Variants in DMD observed in about 807,000 individuals in gnomAD.
The protein encoded by DMD is dystrophin.
In DMD, 63 loss-of-function variants were observed where a neutral mutation model predicts 330.1. The ratio of observed to expected loss-of-function variants is 0.19; its 90% confidence interval spans 0.16 to 0.24. The LOEUF (loss-of-function observed/expected upper bound fraction) is 0.24. DMD is among the 10% of genes least tolerant of loss of function. The pLI is 1.00. For synonymous variants in DMD, 1,223 were observed against 959.8 expected (o/e 1.27, Z -5.07); for missense variants, 3,344 against 2,684.1 (o/e 1.25, Z -5.43).
chrX:32,859,553 A>G (rs7053545), intron 2 of DMD, among the ~76,000 whole-genome samples: 2,621 of 110,222 alleles, frequency 0.024, 75 homozygotes, highest in African/African-American at 0.082. Flanking sequence ...TATATTAGAA[A>G]GTGCAGAATA....
chrX:31,228,190 G>T (rs1339761051), intron 63 of DMD, among the ~76,000 whole-genome samples: 1 of 104,195 alleles, frequency 9.6e-6, no homozygotes, highest in African/African-American at 3.5e-5. Flanking sequence ...GCACCAGCAT[G>T]GCACATGTAT....
At chrX:33,106,126 T>C (rs749976199) in intron 1 of DMD, among the ~76,000 whole-genome samples, 1 of 110,175 alleles carries the variant, frequency 9.1e-6, no homozygotes, top group Admixed American at 9.8e-5. Flanking sequence ...AATAACGTCT[T>C]CTGCAGCAAC....
intron 44 of DMD, among the ~76,000 whole-genome samples, chrX:32,177,290 C>A (rs900311148): frequency 8.9e-6 from 1 of 112,075 alleles, no homozygotes; most frequent in Non-Finnish European, 1.9e-5. Flanking sequence ...TCTTTCCTGA[C>A]AACCACGTGA....
At chrX:32,037,494 T>C (rs2095958621) in intron 44 of DMD, among the ~76,000 whole-genome samples, 1 of 112,240 alleles carries the variant, frequency 8.9e-6, no homozygotes, top group African/African-American at 3.2e-5. Context: ...CTTAAAACTC[T>C]TATTATTAAA....
chrX:32,326,003 T>A (rs1471187339), intron 41 of DMD, among the ~76,000 whole-genome samples: 1 of 111,374 alleles, frequency 9.0e-6, no homozygotes, highest in African/African-American at 3.3e-5. Context: ...AAAATACAAC[T>A]TTTTGTTTGC....
rs555536458 is a variant in DMD, at chrX:32,893,329, C to T, written c.94-43509G>A. ...GTAACACAAAAGCCCGTATTTAGAGCCAGATTATACCAGTTTCCAGCTGTG... is the reference window on the plus strand; with the variant it reads ...GTAACACAAAAGCCCGTATTTAGAGTCAGATTATACCAGTTTCCAGCTGTG... On this transcript the variant is annotated intron_variant, in intron 2 of 78. Coordinates refer to ENST00000357033, the MANE Select transcript of DMD (RefSeq NM_004006.3). 1.3e-4 allele frequency among the ~76,000 whole-genome samples: 14 copies of T among 111,903 alleles called. No individual in the cohort carries two copies. In the South Asian group the frequency reaches 4.9e-3, roughly 39 times the overall value.
intron 9 of DMD, among the ~76,000 whole-genome samples, chrX:32,696,313 A>T (rs765469078): frequency 8.9e-6 from 1 of 112,117 alleles, no homozygotes; most frequent in Non-Finnish European, 1.9e-5. Context: ...ACCTAACTAC[A>T]TGTAACATCA....
intron 1 of DMD, chrX:33,041,356 C>A (rs538743564): frequency 2.6e-6 from 3 of 1,170,874 alleles, no homozygotes; most frequent in East Asian, 3.1e-5. Context: ...ACGGTTACCC[C>A]GGCTTTCCGC....
chrX:32,624,312 T>G (rs1294298255), intron 11 of DMD, among the ~76,000 whole-genome samples: 1 of 111,591 alleles, frequency 9.0e-6, no homozygotes, highest in African/African-American at 3.3e-5. Flanking sequence ...GAGTTGGTCC[T>G]GACAGTAGGT....
At chrX:32,609,163 T>C (rs2056966696) in intron 12 of DMD, among the ~76,000 whole-genome samples, 1 of 111,105 alleles carries the variant, frequency 9.0e-6, no homozygotes, top group African/African-American at 3.2e-5. Flanking sequence ...GAATGCTTTG[T>C]ACCTGTTTAC....
Position 32,685,094 on chromosome X carries a change from T to C in DMD, c.960+12776A>G, listed in dbSNP as rs139566952. Among the ~76,000 whole-genome samples, 558 of 111,652 alleles carry C rather than the reference T, an allele frequency of 5.0e-3. 3 individuals carry two copies. The highest frequency in any genetic ancestry group is 8.7e-3 in the Non-Finnish European group (463 of 53,040). ...TTATTTCACATTTATTCCTGGCTTC[T>C]AGGATCAAGTGGCCAATAAGCAATT... On this transcript the variant is annotated intron_variant, in intron 9 of 78. Coordinates refer to ENST00000357033, the MANE Select transcript of DMD (RefSeq NM_004006.3).
At chrX:32,878,950 T>C (rs1305521570) in intron 2 of DMD, among the ~76,000 whole-genome samples, 1 of 106,867 alleles carries the variant, frequency 9.4e-6, no homozygotes, top group Non-Finnish European at 1.9e-5. Flanking sequence ...GGAGGTTGCA[T>C]TGAGTTGAGA....
chrX:31,878,396 A>G (rs746607031), intron 47 of DMD, among the ~76,000 whole-genome samples: 3 of 112,193 alleles, frequency 2.7e-5, no homozygotes, highest in Admixed American at 1.9e-4. Context: ...ACAATTTCCA[A>G]ATTCAGGATT....
chrX:31,901,516 G>A (rs2094422015), intron 47 of DMD, among the ~76,000 whole-genome samples: 1 of 111,217 alleles, frequency 9.0e-6, no homozygotes, highest in Non-Finnish European at 1.9e-5. Context: ...CTGTACTACC[G>A]TCCTTTGTTG....
chrX:33,164,606 C>T (rs2048963638), intron 1 of DMD, among the ~76,000 whole-genome samples: 1 of 112,276 alleles, frequency 8.9e-6, no homozygotes, highest in Non-Finnish European at 1.9e-5. Context: ...TATTACTACA[C>T]TACTTTCACA....
chrX:32,696,532 G>A (rs1441245475), intron 9 of DMD, among the ~76,000 whole-genome samples: 2 of 112,045 alleles, frequency 1.8e-5, no homozygotes, highest in East Asian at 5.6e-4. Context: ...AGAATGAGCA[G>A]AGCCTAGCAA....
chrX:32,190,550 T>TTATATATATATATATATATATATATA (rs753482446), intron 44 of DMD, among the ~76,000 whole-genome samples: 4 of 62,532 alleles, frequency 6.4e-5, no homozygotes, highest in Non-Finnish European at 8.5e-5. Flanking sequence ...ATTTAAAATT[T>TTATATATATATATATATATATATATA]TATATATATA....
At position 32,251,000 on chromosome X, in the gene DMD, A is replaced by G. The variant is rs2097261322; in HGVS notation, c.6291-33937T>C. ...AGTGGGAGTGGAACAGTGAGAACAC[A>G]TGGACACAGGGAGGGGAACAACACA... On this transcript the variant is annotated intron_variant, in intron 43 of 78. Transcript: ENST00000357033. Among the ~76,000 whole-genome samples, 3 of 108,634 alleles carry G rather than the reference A, an allele frequency of 2.8e-5. No homozygotes were observed. In the South Asian group the frequency reaches 1.3e-3, roughly 47 times the overall value. 94.3% of individuals were successfully genotyped at this position (108,634 alleles called of 115,157 possible).
rs148958390 is a variant in DMD at position 32,742,963 on chromosome X, G to T, written c.650-43670C>A. 3.0e-3 allele frequency among the ~76,000 whole-genome samples: 339 copies of T among 111,534 alleles called. 2 individuals carry two copies. The highest frequency in any genetic ancestry group is 0.01 in the African/African-American group (317 of 30,720). On this transcript the variant is annotated intron_variant, in intron 7 of 78. Transcript: ENST00000357033. ...GCCAGAGATCACACTGCTAGTAAAT[G>T]GCAAAATGGAGATTCAAACCCCATT...
Sources: allele counts gnomAD v4.1 joint callset (sites outside exome capture counted in the v4.1 genomes callset), GRCh38; gene constraint gnomAD v4.1.1; transcripts MANE v1.5; gene names NCBI Gene and HGNC (gene_info 2026-07-23, HGNC 2026-07-21).